The following NCAM1 variants were observed in gnomAD, a reference collection of about 807,000 sequenced individuals.
NCAM1 encodes antigen recognized by monoclonal antibody 5.1H11.
NCAM1 carries 14 observed loss-of-function variants against 109.8 expected under a neutral mutation model. The ratio of observed to expected loss-of-function variants is 0.13; its 90% CI spans 0.08 to 0.20. NCAM1 has a LOEUF of 0.20. Among genes scored for constraint, NCAM1 ranks in the 10% least tolerant of loss-of-function variants. The pLI, the probability that NCAM1 is intolerant of heterozygous loss-of-function variation, is 1.00. For synonymous variants in NCAM1, 418 were observed against 442.9 expected, an observed-to-expected ratio of 0.94 and a Z score of 0.70; for missense variants, 774 against 1,109.9, an observed-to-expected ratio of 0.70 and a Z score of 4.30.
chr11:113,013,131 A>T (rs1555074758), intron 1 of NCAM1, among the ~76,000 whole-genome samples: 1 of 150,576 alleles, frequency 6.6e-6, no homozygotes, highest in Non-Finnish European at 1.5e-5. Context: ...AACATTTTTT[A>T]AGAAGCAAAA....
intron 1 of NCAM1, among the ~76,000 whole-genome samples, chr11:112,968,655 C>T (rs1950790666): frequency 6.6e-6 from 1 of 152,034 alleles, no homozygotes; most frequent in East Asian, 1.9e-4. Context: ...GAAATATAGA[C>T]ATTAAAAAGT....
At position 113,016,790 on chromosome 11, in the gene NCAM1, C is replaced by T. The variant is rs954095941; in HGVS notation, c.52+55126C>T. 5.3e-5 allele frequency among the ~76,000 whole-genome samples: 8 copies of T among 152,142 alleles called. 1 individual carries two copies. The highest frequency in any genetic ancestry group is 1.2e-4 in the Non-Finnish European group (8 of 68,036). On this transcript the variant is annotated intron_variant, in intron 1 of 19. Transcript: ENST00000316851. ...TAGAGGTGTGCTCTCACAGTCAGGG[C>T]AGGTGAACCCTCAAATTTTATGAAG...
In NCAM1 at chr11:113,263,776, A is replaced by G. The variant is rs1946071902; in HGVS notation, c.2131+3453A>G. The G allele has an allele frequency of 3.0e-6, 3 of 985,534 alleles. No homozygotes were observed. The African/African-American group carries it at 5.2e-5, about 17-fold the overall frequency. 61.0% of individuals were successfully genotyped at this position (985,534 alleles called of 1,614,324 possible). On this transcript the variant is annotated intron_variant, in intron 17 of 19. Transcript: ENST00000316851. ...ATGGCTTTGAGCATCAGTCTACAGG[A>G]CAGGTTGGAAGCATCCACTGTGAAC...
intron 1 of NCAM1, among the ~76,000 whole-genome samples, chr11:113,184,843 C>G (rs1943448928): frequency 6.6e-6 from 1 of 151,972 alleles, no homozygotes; most frequent in South Asian, 2.1e-4. Flanking sequence ...AAACTGTGTG[C>G]TAAGGGCAGT....
intron 1 of NCAM1, among the ~76,000 whole-genome samples, chr11:112,988,747 CA>C (rs1951378512): frequency 1.9e-5 from 2 of 105,460 alleles, no homozygotes; most frequent in African/African-American, 6.9e-5. Flanking sequence ...TGACTTTCAA[CA>C]GTATTTTTTT....
At chr11:113,010,123 AGT>A (rs1555074116) in intron 1 of NCAM1, among the ~76,000 whole-genome samples, 1 of 152,216 alleles carries the variant, frequency 6.6e-6, no homozygotes, top group Non-Finnish European at 1.5e-5. Flanking sequence ...AGGAAACTGC[AGT>A]AAAACTAGGA....
intron 1 of NCAM1, among the ~76,000 whole-genome samples, chr11:113,175,190 G>A (rs927187586): frequency 9.2e-5 from 14 of 152,200 alleles, no homozygotes; most frequent in Admixed American, 5.2e-4. Flanking sequence ...GTTGACTGAG[G>A]TCTCTAATGC....
chr11:112,977,007 C>T (rs1264577355), intron 1 of NCAM1, among the ~76,000 whole-genome samples: 2 of 151,396 alleles, frequency 1.3e-5, no homozygotes, highest in East Asian at 1.9e-4. Context: ...TGTCGTGATA[C>T]TTTGTGGGTG....
intron 1 of NCAM1, among the ~76,000 whole-genome samples, chr11:113,000,846 ATAC>A (rs1233987733): frequency 1.6e-4 from 1 of 6,434 alleles, no homozygotes; most frequent in African/African-American, 6.1e-4. Flanking sequence ...ATATATATAT[ATAC>A]ACAAAAAATA....
At chr11:113,251,679 C>CA (rs1241355972) in intron 15 of NCAM1, among the ~76,000 whole-genome samples, 3 of 152,174 alleles carry the variant, frequency 2.0e-5, no homozygotes, top group Admixed American at 6.5e-5. Context: ...TAATTAACCC[C>CA]AGGGGTCTTC....
At chr11:113,214,548 G>T (rs1555114125) in intron 8 of NCAM1, 37 bp downstream of exon 8, 7 of 1,568,996 alleles carry the variant, frequency 4.5e-6, no homozygotes, top group Non-Finnish European at 6.1e-6. Flanking sequence ...GCCTTGGAAT[G>T]CAGACTCAAA....
chr11:113,213,103 G>A (rs1555113872), intron 7 of NCAM1, among the ~76,000 whole-genome samples: 2 of 152,194 alleles, frequency 1.3e-5, no homozygotes, highest in African/African-American at 2.4e-5. Context: ...TATTAAAACA[G>A]CATCAAAGAC....
intron 7 of NCAM1, among the ~76,000 whole-genome samples, chr11:113,212,790 A>G (rs1053591654): frequency 1.3e-5 from 2 of 152,128 alleles, no homozygotes; most frequent in Non-Finnish European, 2.9e-5. Flanking sequence ...TTTCAATGGC[A>G]CTTGGCACAT....
intron 1 of NCAM1, among the ~76,000 whole-genome samples, chr11:113,180,354 A>T (rs1359516436): frequency 1.3e-5 from 2 of 152,242 alleles, no homozygotes; most frequent in African/African-American, 4.8e-5. Context: ...GAGAAAGTAC[A>T]TTTGATTGGG....
intron 1 of NCAM1, among the ~76,000 whole-genome samples, chr11:113,155,440 C>T (rs563838820): frequency 2.4e-4 from 36 of 151,454 alleles, no homozygotes; most frequent in Admixed American, 7.9e-4. Flanking sequence ...ACCCAGGAGG[C>T]GGAGGTTGCA....
intron 1 of NCAM1, among the ~76,000 whole-genome samples, chr11:113,056,016 TATATATATAAA>T (rs1480117834): frequency 8.9e-6 from 1 of 112,684 alleles, no homozygotes; most frequent in East Asian, 3.1e-4. Flanking sequence ...TATATATATA[TATATATATAAA>T]ATATATATAT....
At chr11:112,973,185 T>G (rs149284646) in intron 1 of NCAM1, among the ~76,000 whole-genome samples, 2 of 152,270 alleles carry the variant, frequency 1.3e-5, no homozygotes, top group South Asian at 4.1e-4. Flanking sequence ...TGTCACAAAT[T>G]GGATGTGCTG....
chr11:113,161,222 A>G (rs1942590475), intron 1 of NCAM1, among the ~76,000 whole-genome samples: 1 of 152,224 alleles, frequency 6.6e-6, no homozygotes, highest in African/African-American at 2.4e-5. Flanking sequence ...ATAAAATGAA[A>G]ATTATAAACT....
At chr11:113,052,097 T>A (rs1555081902) in intron 1 of NCAM1, among the ~76,000 whole-genome samples, 1 of 152,188 alleles carries the variant, frequency 6.6e-6, no homozygotes, top group South Asian at 2.1e-4. Context: ...TTCAATAACA[T>A]GAGGATTTCA....
Sources: allele counts gnomAD v4.1 joint callset (sites outside exome capture counted in the v4.1 genomes callset), GRCh38; gene constraint gnomAD v4.1.1; transcripts MANE v1.5; gene names NCBI Gene and HGNC (gene_info 2026-07-23, HGNC 2026-07-21).